The following ADAM12 variants were observed in gnomAD, a reference collection of about 807,000 sequenced individuals.
The protein encoded by ADAM12 is disintegrin and metalloproteinase domain-containing protein 12.
Under a neutral mutation model 106.4 loss-of-function variants are expected in ADAM12, and 70 were observed. That is an observed-to-expected ratio of 0.66 (90% CI 0.54 to 0.80). The LOEUF (loss-of-function observed/expected upper bound fraction) is 0.80. Ranked by LOEUF, ADAM12 falls within the 30% of genes least tolerant of loss-of-function variation. The probability of loss-of-function intolerance (pLI) is 0.00; values close to 1 mark genes in which losing one functional copy is unlikely to be tolerated. For synonymous variants in ADAM12, 420 were observed against 433.5 expected, an observed-to-expected ratio of 0.97 and a Z score of 0.39; for missense variants, 1,010 against 1,171.9, an observed-to-expected ratio of 0.86 and a Z score of 2.02.
At chr10:126,221,212 C>T (rs544302986) in intron 3 of ADAM12, among the ~76,000 whole-genome samples, 1 of 151,930 alleles carries the variant, frequency 6.6e-6, no homozygotes, top group East Asian at 1.9e-4. Context: ...GGTGAAACCC[C>T]GTCTCTACTA....
chr10:126,048,955 G>C (rs981423438), intron 16 of ADAM12, among the ~76,000 whole-genome samples: 3 of 152,106 alleles, frequency 2.0e-5, no homozygotes, highest in African/African-American at 7.2e-5. Flanking sequence ...AAAACCAATA[G>C]AATATGCGAT....
At chr10:126,313,698 C>T (rs1961220021) in intron 2 of ADAM12, among the ~76,000 whole-genome samples, 1 of 152,150 alleles carries the variant, frequency 6.6e-6, no homozygotes, top group Non-Finnish European at 1.5e-5. Context: ...TATCCACCTA[C>T]ACATATATCA....
intron 3 of ADAM12, among the ~76,000 whole-genome samples, chr10:126,247,542 G>A (rs76539743): frequency 0.03 from 4,641 of 152,244 alleles, 65 homozygotes; most frequent in Non-Finnish European, 0.041. Context: ...CAATCCCAGC[G>A]CCCGGCTCAG....
At chr10:126,291,014 T>C (rs1362908252) in intron 2 of ADAM12, among the ~76,000 whole-genome samples, 1 of 152,214 alleles carries the variant, frequency 6.6e-6, no homozygotes, top group Non-Finnish European at 1.5e-5. Context: ...GCACAGAGCA[T>C]TGTTTTTGGA....
rs969982356 is a variant in ADAM12 at position 126,043,908 on chromosome 10, G to T, written c.1996-760C>A. ...CGGGAAAGGGAGACCAAGAAAGCCC[G>T]AGGAGGCTGTGCTTCACCCTTGTTG... On this transcript the variant is annotated intron_variant, in intron 17 of 22. Coordinates refer to ENST00000448723, the MANE Select transcript of ADAM12 (RefSeq NM_001288973.2). The surrounding 1 kb of genome is among the most constrained non-coding windows in gnomAD (Gnocchi z 4.1). Among the ~76,000 whole-genome samples, 6 of 152,148 alleles carry T rather than the reference G, an allele frequency of 3.9e-5. No homozygotes were observed. The highest frequency in any genetic ancestry group is 7.4e-5 in the Non-Finnish European group (5 of 68,024).
intron 3 of ADAM12, among the ~76,000 whole-genome samples, chr10:126,234,209 T>C (rs1958370518): frequency 6.6e-6 from 1 of 152,202 alleles, no homozygotes; most frequent in Admixed American, 6.5e-5. Flanking sequence ...TGGAATGAGA[T>C]TCTGCGTCAT....
chr10:126,109,895 C>A, intron 6 of ADAM12, 55 bp from the exon 7 acceptor site: 1 of 1,495,056 alleles, frequency 6.7e-7, no homozygotes, highest in Non-Finnish European at 9.2e-7. Flanking sequence ...GGCATTAAGA[C>A]TGTCAATGTC....
chr10:126,268,253 C>A (rs1742212742), intron 3 of ADAM12, among the ~76,000 whole-genome samples: 1 of 152,224 alleles, frequency 6.6e-6, no homozygotes, highest in Non-Finnish European at 1.5e-5. Context: ...GTGTCTGAGT[C>A]ATTTCACTTA....
chr10:126,191,695 C>A (rs1006484637), intron 3 of ADAM12, among the ~76,000 whole-genome samples: 1 of 152,102 alleles, frequency 6.6e-6, no homozygotes, highest in Non-Finnish European at 1.5e-5. Context: ...ATGCTGTGGA[C>A]AATAGCTTAA....
intron 14 of ADAM12, among the ~76,000 whole-genome samples, chr10:126,057,432 G>A (rs1465999261): frequency 6.6e-6 from 1 of 151,576 alleles, no homozygotes; most frequent in Non-Finnish European, 1.5e-5. Flanking sequence ...CTCTTATCCA[G>A]TTGGCCAGGG....
intron 11 of ADAM12, among the ~76,000 whole-genome samples, chr10:126,076,569 G>A (rs1955106695): frequency 6.6e-6 from 1 of 152,184 alleles, no homozygotes; most frequent in African/African-American, 2.4e-5. Context: ...TGACTGGTGT[G>A]AGATGGTATC....
At chr10:126,127,292 C>T (rs548699828) in intron 5 of ADAM12, among the ~76,000 whole-genome samples, 8 of 152,330 alleles carry the variant, frequency 5.3e-5, no homozygotes, top group African/African-American at 1.4e-4. Context: ...GCGAGCACCA[C>T]AAGTGCAAAG....
intron 2 of ADAM12, among the ~76,000 whole-genome samples, chr10:126,305,535 G>A (rs762228357): frequency 6.6e-6 from 1 of 152,016 alleles, no homozygotes; most frequent in African/African-American, 2.4e-5. Flanking sequence ...TGGGATGAGG[G>A]AAATATTTAA....
intron 1 of ADAM12, among the ~76,000 whole-genome samples, chr10:126,354,005 T>C (rs905023802): frequency 1.3e-5 from 2 of 151,936 alleles, no homozygotes; most frequent in South Asian, 4.2e-4. Context: ...AGATGCCATA[T>C]TTGAAATGTT....
intron 4 of ADAM12, among the ~76,000 whole-genome samples, chr10:126,146,345 T>G (rs1956627677): frequency 6.6e-6 from 1 of 152,146 alleles, no homozygotes; most frequent in Non-Finnish European, 1.5e-5. Flanking sequence ...GCAGGGAAAT[T>G]CAATCCATTC....
At chr10:126,195,832 C>G (rs1957587718) in intron 3 of ADAM12, among the ~76,000 whole-genome samples, 1 of 133,904 alleles carries the variant, frequency 7.5e-6, no homozygotes, top group African/African-American at 3.1e-5. Flanking sequence ...GAACTGATAT[C>G]TAAAAGACAG....
intron 1 of ADAM12, among the ~76,000 whole-genome samples, chr10:126,343,921 G>C (rs1855037382): frequency 6.6e-6 from 1 of 152,042 alleles, no homozygotes; most frequent in South Asian, 2.1e-4. Context: ...CTGCATATTA[G>C]CCCTTTGTCA....
At chr10:126,328,506 TG>T (rs1383065529) in intron 2 of ADAM12, among the ~76,000 whole-genome samples, 2 of 152,288 alleles carry the variant, frequency 1.3e-5, no homozygotes, top group Non-Finnish European at 1.5e-5. Context: ...GTCTTCCCCA[TG>T]GGGAATTCCT....
Position 126,338,575 on chromosome 10 carries a change from T to C in ADAM12, c.89-8066A>G, listed in dbSNP as rs531820336. Among the ~76,000 whole-genome samples the C allele has an allele frequency of 8.7e-4, 132 of 152,336 alleles. 2 individuals are homozygous for C. The highest frequency in any genetic ancestry group is 1.3e-3 in the African/African-American group (54 of 41,576). ...CCTGTAACTTACATTTTTATAACCGTTACTGGTGAGTGAGATACTAATCCC... is the reference window on the plus strand; with the variant it reads ...CCTGTAACTTACATTTTTATAACCGCTACTGGTGAGTGAGATACTAATCCC... On this transcript the variant is annotated intron_variant, in intron 1 of 22. Coordinates refer to ENST00000448723, the MANE Select transcript of ADAM12 (RefSeq NM_001288973.2).
Sources: gnomAD v4.1 joint callset for allele counts (sites outside exome capture counted in the v4.1 genomes callset) on GRCh38, gnomAD v4.1.1 for gene constraint, Gnocchi (gnomAD v3.1) non-coding constraint, MANE v1.5 for transcripts, NCBI Gene and HGNC (gene_info 2026-07-23, HGNC 2026-07-21) for gene names.